The following COL6A5 variants were observed in gnomAD, a reference collection of about 807,000 sequenced individuals.
COL6A5 encodes the protein collagen alpha-5(VI) chain.
COL6A5 carries 48 observed loss-of-function variants against 65.6 expected under a neutral mutation model. That is an observed-to-expected ratio of 0.73 (90% confidence interval 0.58 to 0.93). The LOEUF is 0.93. Ranked by LOEUF, COL6A5 falls within the 40% of genes least tolerant of loss-of-function variation. COL6A5 has a pLI of 0.00. For synonymous variants in COL6A5, 291 were observed against 322.8 expected (o/e 0.90, Z 1.05); for missense variants, 914 against 928.3 (o/e 0.98, Z 0.20).
At chr3:130,477,222 A>C in intron 7 of COL6A5, 1 of 645,520 alleles carries the variant, frequency 1.5e-6, no homozygotes, top group East Asian at 2.7e-5. Context: ...GATGATGCAT[A>C]TAAAGCTCAA....
chr3:130,367,926 A>G (rs1391482538), intron 1 of COL6A5, among the ~76,000 whole-genome samples: 1 of 152,212 alleles, frequency 6.6e-6, no homozygotes, highest in Non-Finnish European at 1.5e-5. Flanking sequence ...ATGATTGTTC[A>G]GAAATGTCTG....
At chr3:130,423,513 G>A (rs16827610) in intron 28 of COL6A5, among the ~76,000 whole-genome samples, 1,598 of 152,110 alleles carry the variant, frequency 0.011, 26 homozygotes, top group African/African-American at 0.037. Flanking sequence ...TTTTACAGAT[G>A]GGAGGTTTCT....
At chr3:130,390,333 C>G (rs891158488) in intron 6 of COL6A5, among the ~76,000 whole-genome samples, 11 of 152,232 alleles carry the variant, frequency 7.2e-5, no homozygotes, top group Admixed American at 5.9e-4. Context: ...AAGGTTTTTA[C>G]AGATACAGCC....
chr3:130,361,755 T>A (rs140399559), intron 1 of COL6A5, among the ~76,000 whole-genome samples: 187 of 152,238 alleles, frequency 1.2e-3, no homozygotes, highest in African/African-American at 4.1e-3. Context: ...TGTCAGTGTT[T>A]TGGATTTTCA....
chr3:130,459,480 C>T (rs1412856049), intron 5 of COL6A5, among the ~76,000 whole-genome samples: 1 of 152,050 alleles, frequency 6.6e-6, no homozygotes, highest in Non-Finnish European at 1.5e-5. Flanking sequence ...CGTCTGGAGA[C>T]ATTTTTTTAA....
At chr3:130,426,704 T>G (rs1577498394), upstream of COL6A5, among the ~76,000 whole-genome samples, 1 of 152,052 alleles carries the variant, frequency 6.6e-6, no homozygotes, top group Non-Finnish European at 1.5e-5. Context: ...ATAACAGTTA[T>G]GAGCGAAAGG....
At chr3:130,439,195 G>A (rs1001950355) in intron 1 of COL6A5, among the ~76,000 whole-genome samples, 1 of 152,102 alleles carries the variant, frequency 6.6e-6, no homozygotes, top group South Asian at 2.1e-4. Flanking sequence ...CAGAATTGCA[G>A]GCTTGGAAAT....
intron 17 of COL6A5, among the ~76,000 whole-genome samples, chr3:130,406,595 A>C (rs899002122): frequency 6.6e-6 from 1 of 152,014 alleles, no homozygotes; most frequent in Non-Finnish European, 1.5e-5. Flanking sequence ...TTCACCTGTC[A>C]GTGGTTTCTT....
intron 29 of COL6A5, among the ~76,000 whole-genome samples, chr3:130,425,841 T>C (rs1559896210): frequency 6.6e-6 from 1 of 152,216 alleles, no homozygotes; most frequent in East Asian, 1.9e-4. Flanking sequence ...TCCTTGGCAC[T>C]GCCCTTTGAA....
intron 5 of COL6A5, among the ~76,000 whole-genome samples, chr3:130,456,327 G>A (rs560991560): frequency 1.3e-5 from 2 of 152,130 alleles, no homozygotes; most frequent in South Asian, 4.2e-4. Context: ...TAAAAAGTGT[G>A]AGGGGAGGTG....
chr3:130,400,000 T>A (rs1051993897), intron 10 of COL6A5, among the ~76,000 whole-genome samples: 3 of 150,146 alleles, frequency 2.0e-5, no homozygotes, highest in African/African-American at 7.4e-5. Context: ...TGACCTCAGG[T>A]GATCCGCCCA....
At chr3:130,362,743 G>C (rs1477815291) in intron 1 of COL6A5, among the ~76,000 whole-genome samples, 3 of 152,136 alleles carry the variant, frequency 2.0e-5, no homozygotes, top group Non-Finnish European at 4.4e-5. Flanking sequence ...ACAGTACTGA[G>C]TCTTTCTATC....
chr3:130,388,500 C>A, intron 5 of COL6A5, 80 bp from the exon 6 acceptor site: 1 of 1,090,328 alleles, frequency 9.2e-7, no homozygotes, highest in Non-Finnish European at 1.3e-6. Flanking sequence ...CTCATTAATG[C>A]ATTTGTTTCT....
At chr3:130,355,486 T>A (rs1348323192) in intron 1 of COL6A5, among the ~76,000 whole-genome samples, 1 of 152,040 alleles carries the variant, frequency 6.6e-6, no homozygotes, top group Non-Finnish European at 1.5e-5. Context: ...GAAATAAAAG[T>A]TAAAACATTT....
At chr3:130,404,198 C>T (rs1204377826) in intron 13 of COL6A5, among the ~76,000 whole-genome samples, 2 of 152,122 alleles carry the variant, frequency 1.3e-5, no homozygotes, top group Non-Finnish European at 1.5e-5. Flanking sequence ...CAGAGGTTTG[C>T]GAATCTCTGT....
intron 7 of COL6A5, among the ~76,000 whole-genome samples, chr3:130,473,823 G>T (rs1445523044): frequency 6.6e-6 from 1 of 152,096 alleles, no homozygotes; most frequent in Non-Finnish European, 1.5e-5. Context: ...TAAATATGAA[G>T]GGTGGTGGAA....
At chr3:130,414,472 G>A (rs1439319426) in intron 22 of COL6A5, among the ~76,000 whole-genome samples, 1 of 152,062 alleles carries the variant, frequency 6.6e-6, no homozygotes. Flanking sequence ...GCATACACAG[G>A]CTCCCACAAA....
chr3:130,468,697 C>A, intron 5 of COL6A5, 98 bp from the exon 38 acceptor site: 2 of 777,292 alleles, frequency 2.6e-6, no homozygotes, highest in Non-Finnish European at 4.1e-6. Context: ...GGAAATGCAG[C>A]ATGGTAATAA....
At chr3:130,467,793 C>G (rs776392572) in intron 5 of COL6A5, among the ~76,000 whole-genome samples, 24 of 151,948 alleles carry the variant, frequency 1.6e-4, no homozygotes, top group Non-Finnish European at 4.4e-5. Context: ...GTAAAAGTAT[C>G]TAATAAAGGG....
Sources: allele counts gnomAD v4.1 joint callset (sites outside exome capture counted in the v4.1 genomes callset), GRCh38; gene constraint gnomAD v4.1.1; transcripts MANE v1.5; gene names NCBI Gene and HGNC (gene_info 2026-07-23, HGNC 2026-07-21).